Variants in PCTP observed in about 807,000 individuals in gnomAD.
The protein encoded by PCTP is phosphatidylcholine transfer protein.
Under a neutral mutation model 31.0 loss-of-function variants are expected in PCTP, and 27 were observed. The ratio of observed to expected loss-of-function variants is 0.87; its 90% CI spans 0.64 to 1.20. The LOEUF (loss-of-function observed/expected upper bound fraction) is 1.20. PCTP is among the 50% of genes most tolerant of loss of function. PCTP has a pLI of 0.00. For synonymous variants in PCTP, 108 were observed against 101.2 expected, an observed-to-expected ratio of 1.07 and a Z score of -0.40; for missense variants, 287 against 268.2, an observed-to-expected ratio of 1.07 and a Z score of -0.49.
the PCTP span, among the ~76,000 whole-genome samples, chr17:55,852,130 AT>A: frequency 6.6e-6 from 1 of 152,210 alleles, no homozygotes; most frequent in African/African-American, 2.4e-5. Context: ...CAGTTCATAC[AT>A]TTTAAGTGTT....
At chr17:55,801,411 A>G (rs1912375555) in intron 3 of PCTP, among the ~76,000 whole-genome samples, 1 of 152,180 alleles carries the variant, frequency 6.6e-6, no homozygotes, top group Non-Finnish European at 1.5e-5. Flanking sequence ...CAGAATATAC[A>G]TTCTTCTCAG....
chr17:55,790,810 A>T (rs1911936339), intron 3 of PCTP, among the ~76,000 whole-genome samples: 1 of 149,672 alleles, frequency 6.7e-6, no homozygotes, highest in South Asian at 2.1e-4. Flanking sequence ...ACTACTTTAA[A>T]GTTCATATGG....
chr17:55,795,163 C>A (rs537189189), intron 3 of PCTP, among the ~76,000 whole-genome samples: 2 of 152,134 alleles, frequency 1.3e-5, no homozygotes, highest in Admixed American at 1.3e-4. Context: ...TTATTAAAGG[C>A]ATAAATGTGC....
At chr17:55,843,107 A>G (rs1906036582), downstream of PCTP, among the ~76,000 whole-genome samples, 1 of 152,236 alleles carries the variant, frequency 6.6e-6, no homozygotes, top group African/African-American at 2.4e-5. Flanking sequence ...GGTAAAGTCC[A>G]GAAATTGTCA....
chr17:55,754,483 C>G (rs1380843942), intron 1 of PCTP, among the ~76,000 whole-genome samples: 1 of 152,218 alleles, frequency 6.6e-6, no homozygotes, highest in African/African-American at 2.4e-5. Flanking sequence ...CCAGGAACCT[C>G]TATGAGTTCA....
At chr17:55,804,161 T>C (rs1475360356) in intron 3 of PCTP, among the ~76,000 whole-genome samples, 3 of 151,742 alleles carry the variant, frequency 2.0e-5, no homozygotes, top group Non-Finnish European at 4.4e-5. Context: ...ACCACAATTA[T>C]CAAAACCATC....
chr17:55,767,765 C>CTTTTTTTTTT (rs10634278), intron 2 of PCTP, among the ~76,000 whole-genome samples: 8 of 103,478 alleles, frequency 7.7e-5, no homozygotes, highest in South Asian at 7.0e-4. Flanking sequence ...GCACCCAGTG[C>CTTTTTTTTTT]TTTTTTTTTT....
intron 5 of PCTP, among the ~76,000 whole-genome samples, chr17:55,830,540 C>T (rs1301165670): frequency 6.6e-6 from 1 of 152,112 alleles, no homozygotes; most frequent in African/African-American, 2.4e-5. Context: ...GGTAAAATTC[C>T]ACATTCTGAC....
intron 1 of PCTP, among the ~76,000 whole-genome samples, chr17:55,753,258 C>T (rs748738306): frequency 2.0e-5 from 3 of 152,318 alleles, no homozygotes; most frequent in Admixed American, 6.5e-5. Flanking sequence ...TTTGGCCTAC[C>T]AGCTCTCTGC....
At chr17:55,777,989 C>T (rs1487884845), downstream of PCTP, among the ~76,000 whole-genome samples, 1 of 152,124 alleles carries the variant, frequency 6.6e-6, no homozygotes, top group Non-Finnish European at 1.5e-5. Context: ...TAAACCATTT[C>T]TTTAAATAAC....
chr17:55,751,584 T>C, intron 1 of PCTP: 1 of 933,398 alleles, frequency 1.1e-6, no homozygotes, highest in Non-Finnish European at 1.5e-6. Flanking sequence ...ATCCTCACTC[T>C]CCAATGCGTG....
At chr17:55,849,332 T>C in the PCTP span, among the ~76,000 whole-genome samples, 12 of 152,156 alleles carry the variant, frequency 7.9e-5, no homozygotes, top group African/African-American at 9.7e-5. Context: ...ATTTAAAAAA[T>C]AGCACTACAG....
intron 3 of PCTP, among the ~76,000 whole-genome samples, chr17:55,796,198 C>A (rs1912182246): frequency 6.6e-6 from 1 of 151,948 alleles, no homozygotes; most frequent in Admixed American, 6.6e-5. Flanking sequence ...CTGAAAATTT[C>A]TCTTAGAACT....
chr17:55,767,886 A>G (rs1475968177), intron 2 of PCTP, among the ~76,000 whole-genome samples: 1 of 149,758 alleles, frequency 6.7e-6, no homozygotes, highest in Non-Finnish European at 1.5e-5. Context: ...TGAGGCCAGG[A>G]GTTTGAGACC....
intron 1 of PCTP, among the ~76,000 whole-genome samples, chr17:55,764,970 A>G (rs1910559173): frequency 2.6e-5 from 4 of 152,222 alleles, no homozygotes; most frequent in Non-Finnish European, 1.5e-5. Flanking sequence ...GCCACCGTAC[A>G]GAGAGTGAAA....
chr17:55,772,159 G>A (rs1393202550), intron 3 of PCTP, among the ~76,000 whole-genome samples: 1 of 152,198 alleles, frequency 6.6e-6, no homozygotes, highest in Non-Finnish European at 1.5e-5. Flanking sequence ...AGTAAAAGGT[G>A]TAGGAGAAAG....
intron 3 of PCTP, among the ~76,000 whole-genome samples, chr17:55,799,500 A>T (rs1457363079): frequency 6.6e-6 from 1 of 151,402 alleles, no homozygotes; most frequent in Non-Finnish European, 1.5e-5. Context: ...TGAATACAGC[A>T]CACCAATGGG....
intron 3 of PCTP, among the ~76,000 whole-genome samples, chr17:55,807,221 A>G (rs562119852): frequency 2.6e-4 from 39 of 152,292 alleles, no homozygotes; most frequent in Non-Finnish European, 2.2e-4. Context: ...TTTCTTTATC[A>G]TCACCATGAC....
At chr17:55,773,021 T>C (rs551766930) in intron 3 of PCTP, among the ~76,000 whole-genome samples, 1 of 152,338 alleles carries the variant, frequency 6.6e-6, no homozygotes, top group African/African-American at 2.4e-5. Flanking sequence ...TCATAGACTT[T>C]CATTATCCTC....
Sources: allele counts gnomAD v4.1 joint callset (sites outside exome capture counted in the v4.1 genomes callset), GRCh38; gene constraint gnomAD v4.1.1; transcripts MANE v1.5; gene names NCBI Gene and HGNC (gene_info 2026-07-23, HGNC 2026-07-21).